The following PITPNC1 variants were observed in gnomAD, a reference collection of about 807,000 sequenced individuals.
PITPNC1 encodes phosphatidylinositol transfer protein cytoplasmic 1.
In PITPNC1, 18 loss-of-function variants were observed where a neutral mutation model predicts 44.7. That is an observed-to-expected ratio of 0.40 (90% confidence interval 0.28 to 0.60). The LOEUF is 0.60. Among genes scored for constraint, PITPNC1 ranks in the 20% least tolerant of loss-of-function variants. The pLI is 0.39. For missense variants in PITPNC1, 290 were observed against 418.4 expected (o/e 0.69, Z 2.68); for synonymous variants, 141 against 149.6 (o/e 0.94, Z 0.42).
At chr17:67,541,870 T>C (rs2040612884) in intron 2 of PITPNC1, among the ~76,000 whole-genome samples, 1 of 152,204 alleles carries the variant, frequency 6.6e-6, no homozygotes, top group Admixed American at 6.5e-5. Flanking sequence ...GGAGAAAGAC[T>C]TCGGCTCAGG....
intron 7 of PITPNC1, among the ~76,000 whole-genome samples, chr17:67,673,873 C>A (rs1248707757): frequency 6.9e-6 from 1 of 145,698 alleles, no homozygotes; most frequent in South Asian, 2.1e-4. Context: ...ATCACTTGAA[C>A]CAGGGAAGCG....
At chr17:67,494,153 T>C (rs1262309242) in intron 1 of PITPNC1, among the ~76,000 whole-genome samples, 1 of 109,594 alleles carries the variant, frequency 9.1e-6, no homozygotes, top group Non-Finnish European at 2.0e-5. Flanking sequence ...ACTAACAATA[T>C]GTGTAACCTC....
At chr17:67,480,484 A>T (rs540936158) in intron 1 of PITPNC1, among the ~76,000 whole-genome samples, 1 of 152,346 alleles carries the variant, frequency 6.6e-6, no homozygotes, top group Non-Finnish European at 1.5e-5. Context: ...GGTTAGATAA[A>T]TTCTGGTAGA....
intron 5 of PITPNC1, among the ~76,000 whole-genome samples, chr17:67,618,683 T>G (rs946429880): frequency 4.6e-5 from 7 of 150,950 alleles, no homozygotes; most frequent in Non-Finnish European, 8.9e-5. Context: ...ACCCAGGAGG[T>G]GGAGGTTGCA....
intron 1 of PITPNC1, among the ~76,000 whole-genome samples, chr17:67,470,964 C>T (rs1272221502): frequency 5.6e-5 from 7 of 124,540 alleles, no homozygotes; most frequent in African/African-American, 1.3e-4. Flanking sequence ...GGATTAAGGG[C>T]GGTGCAAGAT....
At chr17:67,690,304 C>T (rs945068404) in intron 8 of PITPNC1, among the ~76,000 whole-genome samples, 4 of 151,866 alleles carry the variant, frequency 2.6e-5, no homozygotes, top group Non-Finnish European at 4.4e-5. Context: ...AAAAATTAGC[C>T]GGGCGTGGTG....
intron 1 of PITPNC1, among the ~76,000 whole-genome samples, chr17:67,422,122 A>C (rs2038679697): frequency 6.6e-6 from 1 of 152,198 alleles, no homozygotes; most frequent in Non-Finnish European, 1.5e-5. Context: ...AAACCACATC[A>C]TCTGAAAGAA....
Position 67,605,585 on chromosome 17 carries a change from T to C in PITPNC1, c.367-26558T>C, listed in dbSNP as rs113248762. 9.8e-3 allele frequency among the ~76,000 whole-genome samples: 1,489 copies of C among 152,326 alleles called. 34 individuals are homozygous for C. Among genetic ancestry groups the C allele is most frequent in the African/African-American group, 0.034 (1,394 of 41,558 alleles). ...GTGGCTCGTGTTTTTCTGTCAACCT[T>C]CTAAATTATGTTAGTTGTAAGTAAA... On this transcript the variant is annotated intron_variant, in intron 5 of 8. Transcript: ENST00000581322.
chr17:67,397,170 G>A (rs946505802), intron 1 of PITPNC1, among the ~76,000 whole-genome samples: 2 of 151,718 alleles, frequency 1.3e-5, no homozygotes, highest in Non-Finnish European at 2.9e-5. Context: ...TAGTATAGAC[G>A]GGGTTTCTCC....
intron 1 of PITPNC1, among the ~76,000 whole-genome samples, chr17:67,425,199 A>G (rs145381398): frequency 0.54 from 32,520 of 60,204 alleles, 6,338 homozygotes; most frequent in African/African-American, 0.61. Context: ...GCGCGCACGC[A>G]CACGCACACA....
chr17:67,491,162 C>T (rs887884406), intron 1 of PITPNC1, among the ~76,000 whole-genome samples: 3 of 152,220 alleles, frequency 2.0e-5, no homozygotes, highest in East Asian at 1.9e-4. Context: ...AGCCCGGAGC[C>T]GGAGCCAGCC....
chr17:67,563,729 A>G (rs901393229), intron 4 of PITPNC1, among the ~76,000 whole-genome samples: 1 of 152,238 alleles, frequency 6.6e-6, no homozygotes, highest in African/African-American at 2.4e-5. Context: ...AAGACCATGA[A>G]TAAGTGTGAT....
rs575491320 is a variant in PITPNC1, at chr17:67,447,957, T to C, written c.48+69755T>C. ...TTCTCCTTCCTTCCTTCCTTCTTTC[T>C]TTCTTTCAGATGGGGTCTTGCTCTG... On this transcript the variant is annotated intron_variant, in intron 1 of 8. Coordinates refer to ENST00000581322, the MANE Select transcript of PITPNC1 (RefSeq NM_012417.4). 3.1e-3 allele frequency among the ~76,000 whole-genome samples: 464 copies of C among 151,914 alleles called. 7 individuals are homozygous for C. The highest frequency in any genetic ancestry group is 0.01 in the Middle Eastern group (3 of 294).
At chr17:67,658,021 G>A (rs539282736) in intron 6 of PITPNC1, among the ~76,000 whole-genome samples, 25 of 152,348 alleles carry the variant, frequency 1.6e-4, no homozygotes, top group African/African-American at 5.8e-4. Context: ...GGCAGTCCAT[G>A]AATCAGGGAG....
intron 1 of PITPNC1, among the ~76,000 whole-genome samples, chr17:67,470,410 C>A (rs1444329785): frequency 3.9e-5 from 6 of 152,230 alleles, no homozygotes; most frequent in African/African-American, 1.4e-4. Context: ...CCCCACATTC[C>A]CCACTCCTGT....
chr17:67,413,642 G>A (rs1347702449), intron 1 of PITPNC1, among the ~76,000 whole-genome samples: 2 of 152,078 alleles, frequency 1.3e-5, no homozygotes, highest in East Asian at 3.9e-4. Context: ...GGAGTTTGAT[G>A]CATGCTGGGT....
rs142345154 is a variant in PITPNC1, at chr17:67,502,914, C to A, written c.49-29888C>A. On this transcript the variant is annotated intron_variant, in intron 1 of 8. Transcript: ENST00000581322. Reference sequence around the variant, plus strand: ...GTTCAAGCGATTCTCCTGCCTCAGCCTCCCGAGTAGCTGGGATTACAGGTG... The same window carrying A: ...GTTCAAGCGATTCTCCTGCCTCAGCATCCCGAGTAGCTGGGATTACAGGTG... Among the ~76,000 whole-genome samples, 44 of 152,194 alleles carry A rather than the reference C, an allele frequency of 2.9e-4. 2 individuals are homozygous for A. The highest frequency in any genetic ancestry group is 9.9e-4 in the African/African-American group (41 of 41,518).
chr17:67,475,547 G>T (rs1348073639), intron 1 of PITPNC1, among the ~76,000 whole-genome samples: 6 of 152,182 alleles, frequency 3.9e-5, no homozygotes, highest in Non-Finnish European at 5.9e-5. Context: ...CAAGGCCAAG[G>T]CAGAGGCTGC....
chr17:67,691,957 C>A (rs1362451246), intron 8 of PITPNC1, among the ~76,000 whole-genome samples: 1 of 151,730 alleles, frequency 6.6e-6, no homozygotes, highest in African/African-American at 2.4e-5. Context: ...TGCCGTGAGT[C>A]ATGATCGCAC....
Sources: allele counts gnomAD v4.1 joint callset (sites outside exome capture counted in the v4.1 genomes callset), GRCh38; gene constraint gnomAD v4.1.1; transcripts MANE v1.5; gene names NCBI Gene and HGNC (gene_info 2026-07-23, HGNC 2026-07-21).